EFCAB6: variants seen among roughly 807,000 people sequenced by gnomAD.
The protein encoded by EFCAB6 is EF-hand calcium binding domain 6.
EFCAB6 carries 156 observed loss-of-function variants against 169.8 expected under a neutral mutation model. The ratio of observed to expected loss-of-function variants is 0.92; its 90% CI spans 0.81 to 1.05. The LOEUF (loss-of-function observed/expected upper bound fraction) is 1.05, where lower values mean the gene tolerates loss of function less well. EFCAB6 is among the 50% of genes least tolerant of loss of function. The probability of loss-of-function intolerance (pLI) is 0.00; values close to 1 mark genes in which losing one functional copy is unlikely to be tolerated. For synonymous variants in EFCAB6, 698 were observed against 676.4 expected, an observed-to-expected ratio of 1.03 and a Z score of -0.50; for missense variants, 1,800 against 1,829.1, an observed-to-expected ratio of 0.98 and a Z score of 0.29.
chr22:43,720,109 C>CAATG (rs1419998907), intron 8 of EFCAB6, among the ~76,000 whole-genome samples: 10 of 152,002 alleles, frequency 6.6e-5, no homozygotes, highest in African/African-American at 2.4e-4. Context: ...CATCAAATCA[C>CAATG]CACATTGTAC....
intron 4 of EFCAB6, among the ~76,000 whole-genome samples, chr22:43,767,311 T>C (rs1286771465): frequency 6.6e-6 from 1 of 152,200 alleles, no homozygotes; most frequent in East Asian, 1.9e-4. Context: ...AGGGTGGGCC[T>C]CTGTAAAGCC....
intron 10 of EFCAB6, among the ~76,000 whole-genome samples, chr22:43,701,966 T>A (rs2058782035): frequency 6.6e-6 from 1 of 152,158 alleles, no homozygotes; most frequent in African/African-American, 2.4e-5. Context: ...CTAATTATTT[T>A]AAAATATTAA....
At chr22:43,801,631 T>C (rs2062718529) in intron 2 of EFCAB6, among the ~76,000 whole-genome samples, 1 of 152,236 alleles carries the variant, frequency 6.6e-6, no homozygotes, top group Non-Finnish European at 1.5e-5. Flanking sequence ...TGTTTGTTTA[T>C]ATTCTTTTTT....
chr22:43,737,284 A>C (rs1208047326), intron 6 of EFCAB6, among the ~76,000 whole-genome samples: 2 of 152,024 alleles, frequency 1.3e-5, no homozygotes, highest in African/African-American at 4.8e-5. Flanking sequence ...ACTGTCACAC[A>C]CACATGCACA....
At chr22:43,563,673 C>T (rs1393735845) in intron 26 of EFCAB6, among the ~76,000 whole-genome samples, 1 of 152,262 alleles carries the variant, frequency 6.6e-6, no homozygotes, top group African/African-American at 2.4e-5. Flanking sequence ...GCTGCTGCTG[C>T]TGCTGGTGAT....
chr22:43,632,224 C>T lies in EFCAB6; in HGVS notation c.2113G>A (p.Gly705Arg), dbSNP rs774169680. The T allele has an allele frequency of 1.5e-5, 24 of 1,613,146 alleles. No individual in the cohort carries two copies. Among genetic ancestry groups the T allele is most frequent in the Non-Finnish European group, 8.5e-6 (10 of 1,179,768 alleles). ...AAGFEDPPMRGPETTPPQPPT... is the reference protein window; with the variant it reads ...AAGFEDPPMRRPETTPPQPPT... ...GGCTGCGGCGGAGTGGTTTCCGGCC[C>T]TCTCATTGGAGGATCTGGAACAATT... Residue 705 changes from glycine to arginine, a missense_variant, in exon 19 of 32, where the codon GGG becomes AGG. By Grantham distance (125) the Gly-to-Arg change is moderately radical. Transcript: ENST00000262726.
chr22:43,637,246 C>T (rs766079806), intron 17 of EFCAB6, among the ~76,000 whole-genome samples: 29 of 152,184 alleles, frequency 1.9e-4, no homozygotes, highest in Middle Eastern at 3.2e-3. Flanking sequence ...CTGCCCGGCC[C>T]CTCACACTAG....
intron 24 of EFCAB6, among the ~76,000 whole-genome samples, chr22:43,589,280 CAAAAAAAAAAAAAAAAAAAAAAAA>C (rs1163346832): frequency 7.4e-5 from 6 of 80,958 alleles, no homozygotes; most frequent in African/African-American, 7.5e-5. Flanking sequence ...GACTTCATGT[CAAAAAAAAAAAAAAAAAAAAAAAA>C]AAAAAAAAAA....
At position 43,615,822 on chromosome 22, in the gene EFCAB6, T is replaced by C. The variant is rs1034234596; in HGVS notation, c.2562+4A>G. ...TCCTTTTAAGGAAATAATCATTTTC[T>C]TACCTTAGACAAGTCTGACCATCTG... On this transcript the variant is annotated splice_donor_region_variant and intron_variant, in intron 21 of 31. Transcript: ENST00000262726. 6.2e-7 allele frequency: 1 copy of C among 1,609,780 alleles called. No individual in the cohort carries two copies. The highest frequency in any genetic ancestry group is 8.5e-7 in the Non-Finnish European group (1 of 1,177,842).
chr22:43,800,027 C>G (rs2148171353), intron 2 of EFCAB6, among the ~76,000 whole-genome samples: 1 of 152,280 alleles, frequency 6.6e-6, no homozygotes, highest in African/African-American at 2.4e-5. Flanking sequence ...TCCCTGAGGA[C>G]AGACAGAGGT....
intron 2 of EFCAB6, among the ~76,000 whole-genome samples, chr22:43,786,389 C>A (rs1334942186): frequency 6.6e-6 from 1 of 151,782 alleles, no homozygotes; most frequent in African/African-American, 2.4e-5. Context: ...TCCTATGACG[C>A]CAGTATTACC....
intron 19 of EFCAB6, 42 bp downstream of exon 19, chr22:43,632,063 G>A: frequency 1.2e-6 from 2 of 1,605,734 alleles, no homozygotes; most frequent in South Asian, 2.2e-5. Flanking sequence ...TTGGGAGCAG[G>A]GGAGGCCTAG....
intron 27 of EFCAB6, among the ~76,000 whole-genome samples, chr22:43,549,397 T>A (rs1278563768): frequency 1.3e-5 from 2 of 152,094 alleles, no homozygotes; most frequent in East Asian, 3.8e-4. Flanking sequence ...AAGATAACAG[T>A]ACACTATTAA....
chr22:43,607,873 G>C (rs1164496904), intron 22 of EFCAB6, among the ~76,000 whole-genome samples: 1 of 152,196 alleles, frequency 6.6e-6, no homozygotes, highest in Non-Finnish European at 1.5e-5. Context: ...GTGAAACTTA[G>C]ACATCTATCC....
intron 10 of EFCAB6, among the ~76,000 whole-genome samples, chr22:43,696,732 C>G (rs1446265619): frequency 2.6e-5 from 4 of 152,100 alleles, no homozygotes; most frequent in Non-Finnish European, 5.9e-5. Flanking sequence ...TATGAGAACA[C>G]TTAGAAAAGG....
At chr22:43,765,203 C>A in intron 5 of EFCAB6, 102 bp downstream of exon 5, 1 of 795,466 alleles carries the variant, frequency 1.3e-6, no homozygotes, top group South Asian at 1.7e-5. Context: ...ACTCATCTTC[C>A]ATATATAGCT....
At chr22:43,678,283 T>G (rs750944938) in intron 12 of EFCAB6, 120 bp from the exon 13 acceptor site, 22 of 901,296 alleles carry the variant, frequency 2.4e-5, no homozygotes, top group Non-Finnish European at 3.0e-5. Flanking sequence ...GAATTATGAT[T>G]GGAAATGCAA....
At chr22:43,693,837 A>G (rs1044036683) in intron 10 of EFCAB6, among the ~76,000 whole-genome samples, 2 of 152,070 alleles carry the variant, frequency 1.3e-5, no homozygotes, top group Admixed American at 1.3e-4. Context: ...TGGATAACTC[A>G]AATACTGGAT....
intron 6 of EFCAB6, among the ~76,000 whole-genome samples, chr22:43,752,512 A>C (rs1424202934): frequency 6.6e-6 from 1 of 152,186 alleles, no homozygotes; most frequent in Non-Finnish European, 1.5e-5. Context: ...GAGGGAGCCC[A>C]GTGGCCACAC....
Sources: allele counts gnomAD v4.1 joint callset (sites outside exome capture counted in the v4.1 genomes callset), GRCh38; gene constraint gnomAD v4.1.1; transcripts MANE v1.5; gene names NCBI Gene and HGNC (gene_info 2026-07-23, HGNC 2026-07-21).